Variants in RGS7 observed in about 807,000 individuals in gnomAD.
The protein encoded by RGS7 is regulator of G protein signaling 7.
RGS7 carries 27 observed loss-of-function variants against 81.1 expected under a neutral mutation model. The ratio of observed to expected loss-of-function variants is 0.33; its 90% CI spans 0.25 to 0.46. The LOEUF is 0.46. RGS7 is among the 20% of genes least tolerant of loss of function. The pLI, the probability that RGS7 is intolerant of heterozygous loss-of-function variation, is 1.00. For missense variants in RGS7, 396 were observed against 607.4 expected (o/e 0.65, Z 3.66); for synonymous variants, 208 against 207.7 (o/e 1.00, Z -0.01).
intron 2 of RGS7, among the ~76,000 whole-genome samples, chr1:241,327,502 G>A (rs1367648367): frequency 6.6e-6 from 1 of 152,090 alleles, no homozygotes; most frequent in Non-Finnish European, 1.5e-5. Context: ...CAAGTATAGG[G>A]ACATCAGTTG....
At chr1:241,226,984 T>C (rs1381252543) in intron 2 of RGS7, among the ~76,000 whole-genome samples, 1 of 152,206 alleles carries the variant, frequency 6.6e-6, no homozygotes, top group African/African-American at 2.4e-5. Flanking sequence ...TTAAAATGTA[T>C]AAAAATATGT....
chr1:240,868,117 G>GAAAGAAAGAAA lies in RGS7; in HGVS notation c.609+469_609+470insTTTCTTTCTTT, dbSNP rs143103795. On this transcript the variant is annotated intron_variant, in intron 9 of 18. Coordinates refer to ENST00000440928, the MANE Select transcript of RGS7 (RefSeq NM_001364886.1). The surrounding 1 kb of genome is among the most constrained non-coding windows in gnomAD (Gnocchi z 5.1). ...GAAAAGAAAAAGAAAGAAAAGAAAA[G>GAAAGAAAGAAA]GAAAGAAAGAAAGAAAGAAAGAAAG... Among the ~76,000 whole-genome samples, 2 of 122,444 alleles carry GAAAGAAAGAAA rather than the reference G, an allele frequency of 1.6e-5. No homozygotes were observed. Among genetic ancestry groups the GAAAGAAAGAAA allele is most frequent in the East Asian group, 4.5e-4 (2 of 4,494 alleles). 80.3% of individuals were successfully genotyped at this position (122,444 alleles called of 152,430 possible). A position where few individuals can be genotyped will look rare whatever the true frequency, so the allele number is the denominator to read the frequency against.
At chr1:240,802,581 TG>T (rs1688202350) in intron 16 of RGS7, among the ~76,000 whole-genome samples, 1 of 152,168 alleles carries the variant, frequency 6.6e-6, no homozygotes, top group South Asian at 2.1e-4. Flanking sequence ...CTAATGACTT[TG>T]TTACTTTCTT....
chr1:240,793,611 A>ATATATATATATATATATATATTTTTTTTT, intron 18 of RGS7, among the ~76,000 whole-genome samples: 2 of 78,806 alleles, frequency 2.5e-5, no homozygotes, highest in African/African-American at 1.9e-4. Context: ...ATATATATAT[A>ATATATATATATATATATATATTTTTTTTT]TTTTTTTTTT....
At chr1:240,933,581 A>C (rs1311239945) in intron 5 of RGS7, among the ~76,000 whole-genome samples, 4 of 152,022 alleles carry the variant, frequency 2.6e-5, no homozygotes, top group Non-Finnish European at 5.9e-5. Flanking sequence ...AAACTCTTAC[A>C]GTTTTTTTTG....
intron 4 of RGS7, among the ~76,000 whole-genome samples, chr1:240,948,791 G>C (rs1679074225): frequency 2.0e-5 from 3 of 150,800 alleles, no homozygotes; most frequent in Non-Finnish European, 3.0e-5. Context: ...TCTCCAGATG[G>C]CATCTGGAGA....
At position 241,327,130 on chromosome 1, in the gene RGS7, GA is replaced by G. The variant is rs1256887903; in HGVS notation, c.78+28568del. Among the ~76,000 whole-genome samples the G allele has an allele frequency of 9.8e-5, 10 of 101,942 alleles. No homozygotes were observed. In the East Asian group the frequency reaches 3.2e-3, roughly 32 times the overall value. 66.9% of individuals were successfully genotyped at this position (101,942 alleles called of 152,430 possible). On this transcript the variant is annotated intron_variant, in intron 2 of 18. Transcript: ENST00000440928. ...AGAAAGAAAGAAAGAAAGAAAGAAAGAAAGAAAGAAAGAAAGGAAAGAAAGA... is the reference window on the plus strand; with the variant it reads ...AGAAAGAAAGAAAGAAAGAAAGAAAGAAGAAAGAAAGAAAGGAAAGAAAGA...
At chr1:240,910,104 C>T (rs987924869) in intron 6 of RGS7, among the ~76,000 whole-genome samples, 3 of 152,038 alleles carry the variant, frequency 2.0e-5, no homozygotes, top group African/African-American at 7.3e-5. Context: ...TTGTATTTAT[C>T]CCTGAACATA....
At chr1:241,089,030 T>C (rs1000232998) in intron 3 of RGS7, among the ~76,000 whole-genome samples, 86 of 39,456 alleles carry the variant, frequency 2.2e-3, no homozygotes, top group Non-Finnish European at 3.3e-3. Flanking sequence ...CATCTCTCTC[T>C]CTCTCTCTCT....
At chr1:241,070,596 T>C (rs1418893911) in intron 3 of RGS7, among the ~76,000 whole-genome samples, 1 of 152,166 alleles carries the variant, frequency 6.6e-6, no homozygotes, top group Non-Finnish European at 1.5e-5. Flanking sequence ...TAGAGCTGGG[T>C]GGAGCTAAGC....
Position 241,215,321 on chromosome 1 carries a change from C to T in RGS7, c.79-116559G>A, listed in dbSNP as rs190384757. Among the ~76,000 whole-genome samples, 23 of 152,262 alleles carry T rather than the reference C, an allele frequency of 1.5e-4. 1 individual carries two copies. The highest frequency in any genetic ancestry group is 1.5e-3 in the Admixed American group (23 of 15,294). On this transcript the variant is annotated intron_variant, in intron 2 of 18. Transcript: ENST00000440928. Reference sequence around the variant, plus strand: ...CCTTATAGGTTTTCAGTGAAAAGTTCAACATAGTTATCAATGCCCTCTAAC... The same window carrying T: ...CCTTATAGGTTTTCAGTGAAAAGTTTAACATAGTTATCAATGCCCTCTAAC...
intron 2 of RGS7, among the ~76,000 whole-genome samples, chr1:241,202,047 C>CACACAG (rs780522041): frequency 1.5e-4 from 23 of 150,390 alleles, no homozygotes; most frequent in Non-Finnish European, 2.4e-4. Flanking sequence ...CACACACACA[C>CACACAG]AGAGACACCC....
intron 4 of RGS7, among the ~76,000 whole-genome samples, chr1:240,967,569 G>GC (rs1491089446): frequency 1.0e-5 from 1 of 96,032 alleles, no homozygotes; most frequent in Admixed American, 9.9e-5. Flanking sequence ...GCCAAGAAGT[G>GC]GGGGGGGGGG....
At chr1:240,785,279 G>A (rs759530181) in intron 18 of RGS7, among the ~76,000 whole-genome samples, 3 of 152,056 alleles carry the variant, frequency 2.0e-5, no homozygotes, top group African/African-American at 4.8e-5. Flanking sequence ...TGCTCTCTCC[G>A]CTGGTCACCT....
rs367963168 is a variant in RGS7, at chr1:240,947,282, A to G, written c.227-10576T>C. 1.4e-4 allele frequency among the ~76,000 whole-genome samples: 21 copies of G among 152,332 alleles called. 1 individual carries two copies. The highest frequency in any genetic ancestry group is 4.6e-4 in the Admixed American group (7 of 15,304). On this transcript the variant is annotated intron_variant, in intron 4 of 18. Transcript: ENST00000440928. ...AAGCTTTCCTATAAATGTGATCATC[A>G]TTCTTAGAACACGTATCTTCAGACT...
At chr1:240,915,866 G>A (rs1672515337) in intron 6 of RGS7, among the ~76,000 whole-genome samples, 1 of 152,020 alleles carries the variant, frequency 6.6e-6, no homozygotes. Context: ...TGAAAAATTA[G>A]TTCATCAATA....
At chr1:240,944,284 A>ATG (rs1558505303) in intron 4 of RGS7, among the ~76,000 whole-genome samples, 17 of 10,092 alleles carry the variant, frequency 1.7e-3, no homozygotes, top group South Asian at 4.7e-3. Flanking sequence ...GTGTGTGTGT[A>ATG]TATATATATA....
intron 2 of RGS7, among the ~76,000 whole-genome samples, chr1:241,173,130 G>A (rs2070852319): frequency 6.6e-6 from 1 of 152,102 alleles, no homozygotes; most frequent in African/African-American, 2.4e-5. Flanking sequence ...CATAAACTGA[G>A]GCCCATAGGT....
intron 2 of RGS7, among the ~76,000 whole-genome samples, chr1:241,152,870 C>T (rs2068853938): frequency 6.6e-6 from 1 of 152,190 alleles, no homozygotes; most frequent in Admixed American, 6.5e-5. Flanking sequence ...AAAACTTTGT[C>T]TTAAGCCCAT....
Sources: gnomAD v4.1 joint callset for allele counts (sites outside exome capture counted in the v4.1 genomes callset) on GRCh38, gnomAD v4.1.1 for gene constraint, Gnocchi (gnomAD v3.1) non-coding constraint, MANE v1.5 for transcripts, NCBI Gene and HGNC (gene_info 2026-07-23, HGNC 2026-07-21) for gene names.